Variants in COG6 observed in about 807,000 individuals in gnomAD.
COG6 encodes conserved oligomeric Golgi complex subunit 6.
In COG6, 74 loss-of-function variants were observed where a neutral mutation model predicts 88.8. The observed-to-expected ratio is 0.83, with a 90% confidence interval of 0.69 to 1.01. The LOEUF (loss-of-function observed/expected upper bound fraction) is 1.01. Ranked by LOEUF, COG6 falls within the 50% of genes least tolerant of loss-of-function variation. The pLI is 0.00. For missense variants in COG6, 800 were observed against 797.9 expected (o/e 1.00, Z -0.03); for synonymous variants, 286 against 278.7 (o/e 1.03, Z -0.26).
intron 18 of COG6, among the ~76,000 whole-genome samples, chr13:39,775,666 G>T (rs914873234): frequency 6.6e-6 from 1 of 151,954 alleles, no homozygotes; most frequent in Non-Finnish European, 1.5e-5. Context: ...TTTTCATGTA[G>T]TTTTACATTT....
chr13:39,769,957 T>G (rs768431558), intron 18 of COG6, among the ~76,000 whole-genome samples: 1 of 152,186 alleles, frequency 6.6e-6, no homozygotes, highest in Non-Finnish European at 1.5e-5. Context: ...TGTTTATAAA[T>G]TACCCAGTCG....
At chr13:39,711,398 G>A (rs1008402307) in intron 13 of COG6, among the ~76,000 whole-genome samples, 3 of 152,110 alleles carry the variant, frequency 2.0e-5, no homozygotes, top group Non-Finnish European at 4.4e-5. Flanking sequence ...TAACTTTATA[G>A]AATTCAAGTA....
In COG6 at chr13:39,688,454, A is replaced by T. The variant is rs115902663; in HGVS notation, c.1009+655A>T. ...TCATGGTGGAAGGCAAAAGGGGAAG[A>T]GCCAGCATGTCACATGGTGATTGAG... is the stretch of plus-strand genomic sequence containing the variant. On this transcript the variant is annotated intron_variant, in intron 10 of 18. Coordinates refer to ENST00000455146, the MANE Select transcript of COG6 (RefSeq NM_020751.3). Among the ~76,000 whole-genome samples the T allele has an allele frequency of 7.5e-3, 1,143 of 152,218 alleles. 24 individuals are homozygous for T. The highest frequency in any genetic ancestry group is 0.026 in the African/African-American group (1,076 of 41,530).
intron 18 of COG6, among the ~76,000 whole-genome samples, chr13:39,733,595 G>GT (rs796265357): frequency 0.016 from 2,329 of 145,066 alleles, 32 homozygotes; most frequent in African/African-American, 0.047. Flanking sequence ...TTGTTGTACT[G>GT]TTTTTTTTTT....
chr13:39,695,481 ATAAT>A (rs1305223459), intron 12 of COG6, among the ~76,000 whole-genome samples: 2 of 151,908 alleles, frequency 1.3e-5, no homozygotes, highest in African/African-American at 4.8e-5. Context: ...TTTCCATTAA[ATAAT>A]TATTTAAAAG....
At chr13:39,701,802 CAT>C (rs1018817849) in intron 13 of COG6, among the ~76,000 whole-genome samples, 5 of 151,748 alleles carry the variant, frequency 3.3e-5, no homozygotes, top group African/African-American at 4.8e-5. Flanking sequence ...AATTAGAAAA[CAT>C]ATGGGCCTCA....
At position 39,771,229 on chromosome 13, in the gene COG6, G is replaced by A. The variant is rs149190867; in HGVS notation, c.1827-17106G>A. Among the ~76,000 whole-genome samples, 587 of 152,286 alleles carry A rather than the reference G, an allele frequency of 3.9e-3. 2 individuals carry two copies. The highest frequency in any genetic ancestry group is 0.011 in the African/African-American group (451 of 41,564). ...AGGCCTGTCCTCTGCGTATCACTCA[G>A]CAGGTAACAGATCCAACCATCTTTC... On this transcript the variant is annotated intron_variant, in intron 18 of 18. Coordinates refer to the COG6 transcript ENST00000416691.
Position 39,694,717 on chromosome 13 carries a change from T to C in COG6, c.1158T>C (p.His386=), listed in dbSNP as rs751818098. Residue 386 remains histidine, a synonymous_variant, in exon 12 of 19, where the codon CAT becomes CAC. Transcript: ENST00000455146. ...CTAATCTCCTCAAATTTTATCACCA[T>C]ACAATCAGGTAAGTAGAATGGCAAA... ...KISNLLKFYH[H]TISGIVGNSA... is the part of the protein sequence containing the mutation. 1.3e-6 allele frequency: 2 copies of C among 1,543,920 alleles called. No individual in the cohort carries two copies. The highest frequency in any genetic ancestry group is 1.7e-5 in the Admixed American group (1 of 58,952).
chr13:39,744,778 G>A (rs975077439), intron 18 of COG6, among the ~76,000 whole-genome samples: 35 of 152,282 alleles, frequency 2.3e-4, no homozygotes, highest in African/African-American at 8.2e-4. Flanking sequence ...AACCAAAAAA[G>A]AGCCCACATT....
chr13:39,768,574 T>C (rs1355253223), intron 18 of COG6, among the ~76,000 whole-genome samples: 1 of 152,160 alleles, frequency 6.6e-6, no homozygotes, highest in East Asian at 1.9e-4. Context: ...ATGTTTTTTC[T>C]TTTTAGTCAT....
intron 13 of COG6, among the ~76,000 whole-genome samples, chr13:39,702,643 G>A (rs1284755372): frequency 1.3e-5 from 2 of 151,982 alleles, no homozygotes; most frequent in East Asian, 3.9e-4. Flanking sequence ...TTCTATTTAA[G>A]TGAAGAACAA....
At chr13:39,674,509 T>C (rs902463569) in intron 4 of COG6, among the ~76,000 whole-genome samples, 10 of 152,246 alleles carry the variant, frequency 6.6e-5, no homozygotes, top group Non-Finnish European at 1.3e-4. Context: ...AAGTAGTCCG[T>C]TTATTTTAAA....
In COG6 at chr13:39,677,522, A is replaced by G. The variant is rs146054602; in HGVS notation, c.483A>G (p.Gln161=). Residue 161 remains glutamine (Q), a synonymous_variant, in exon 5 of 19, where the codon CAA becomes CAG. Transcript: ENST00000455146. ...CAGATGCCTTCTTATCCAAGTTCCA[A>G]CTGACTTCTGATGAAATGAGTCTTC... The part of the protein sequence containing the change: ...QVADAFLSKF[Q]LTSDEMSLLR... 1.1e-5 allele frequency: 18 copies of G among 1,613,564 alleles called. No homozygotes were observed. Among genetic ancestry groups the G allele is most frequent in the Middle Eastern group, 1.7e-4 (1 of 6,054 alleles).
intron 4 of COG6, among the ~76,000 whole-genome samples, chr13:39,675,762 A>T (rs945137062): frequency 8.5e-5 from 13 of 152,122 alleles, no homozygotes; most frequent in Non-Finnish European, 1.8e-4. Context: ...GATAGATCCA[A>T]AAAAGCTCCC....
chr13:39,763,226 T>C (rs180734061), intron 18 of COG6, among the ~76,000 whole-genome samples: 9 of 151,844 alleles, frequency 5.9e-5, no homozygotes, highest in Non-Finnish European at 1.5e-5. Flanking sequence ...TAAATTTACT[T>C]ATTAATTGTA....
chr13:39,726,065 A>G lies in COG6; in HGVS notation c.1747-1404A>G, dbSNP rs547057583. Among the ~76,000 whole-genome samples, 7 of 152,138 alleles carry G rather than the reference A, an allele frequency of 4.6e-5. No homozygotes were observed. The South Asian group carries it at 1.4e-3, about 32-fold the overall frequency. On this transcript the variant is annotated intron_variant, in intron 17 of 18. Coordinates refer to ENST00000455146, the MANE Select transcript of COG6 (RefSeq NM_020751.3). Reference sequence around the variant, plus strand: ...GAACAATTAAGGTGAATATGAATATACGATGTCTCTGGAGAAACAAATCTT... The same window carrying G: ...GAACAATTAAGGTGAATATGAATATGCGATGTCTCTGGAGAAACAAATCTT...
chr13:39,762,922 T>A (rs1361701401), intron 18 of COG6, among the ~76,000 whole-genome samples: 1 of 151,690 alleles, frequency 6.6e-6, no homozygotes, highest in African/African-American at 2.4e-5. Context: ...TTATACTTGC[T>A]CTAAGTTTTC....
At chr13:39,702,852 T>C (rs1877661130) in intron 13 of COG6, among the ~76,000 whole-genome samples, 1 of 152,094 alleles carries the variant, frequency 6.6e-6, no homozygotes, top group South Asian at 2.1e-4. Context: ...AAAAGATCAA[T>C]ATACAAATGT....
At chr13:39,692,611 C>T (rs767134971) in intron 11 of COG6, among the ~76,000 whole-genome samples, 2 of 151,960 alleles carry the variant, frequency 1.3e-5, no homozygotes, top group Non-Finnish European at 2.9e-5. Flanking sequence ...TCCCTTCTTC[C>T]TGTGTCCCCT....
Sources: allele counts gnomAD v4.1 joint callset (sites outside exome capture counted in the v4.1 genomes callset), GRCh38; gene constraint gnomAD v4.1.1; transcripts MANE v1.5; gene names NCBI Gene and HGNC (gene_info 2026-07-23, HGNC 2026-07-21).